The following CNPPD1 variants were observed in gnomAD, a reference collection of about 807,000 sequenced individuals.
CNPPD1 encodes protein CNPPD1.
In CNPPD1, 40 loss-of-function variants were observed where a neutral mutation model predicts 43.7. The ratio of observed to expected loss-of-function variants is 0.92; its 90% confidence interval spans 0.71 to 1.19. The LOEUF is 1.19. Ranked by LOEUF, CNPPD1 falls within the 50% of genes most tolerant of loss-of-function variation. CNPPD1 has a pLI of 0.00. For missense variants in CNPPD1, 511 were observed against 518.5 expected (o/e 0.99, Z 0.14); for synonymous variants, 208 against 214.3 (o/e 0.97, Z 0.26).
chr2:219,175,437 C>T (rs979325348), intron 3 of CNPPD1, among the ~76,000 whole-genome samples, 154 bp downstream of exon 3: 5 of 150,030 alleles, frequency 3.3e-5, no homozygotes, highest in African/African-American at 1.2e-4. Context: ...GCGGAGGTTG[C>T]GGTGAGCCGA....
intron 5 of CNPPD1, 75 bp downstream of exon 5, chr2:219,174,703 G>A (rs908398034): frequency 2.0e-6 from 3 of 1,507,998 alleles, no homozygotes; most frequent in Non-Finnish European, 2.7e-6. Flanking sequence ...ACAGAAGACT[G>A]AGAGAGAACA....
chr2:219,177,024 T>C (rs1276680303), upstream of CNPPD1: 2 of 502,080 alleles, frequency 4.0e-6, no homozygotes, highest in Non-Finnish European at 7.0e-6. Context: ...CGCCTCTTCC[T>C]GTTCCGCCCC....
chr2:219,177,073 G>A (rs1950184754), upstream of CNPPD1: 3 of 433,240 alleles, frequency 6.9e-6, no homozygotes, highest in African/African-American at 6.2e-5. Flanking sequence ...GGCCCGGGAA[G>A]GGAGGTGTCA....
intron 1 of CNPPD1, 84 bp downstream of exon 1, chr2:219,176,676 A>G: frequency 9.2e-7 from 1 of 1,082,624 alleles, no homozygotes; most frequent in Non-Finnish European, 1.4e-6. Context: ...CAGTCCCGGC[A>G]CAGCAGTCAG....
rs566112964 is a variant in CNPPD1, at chr2:219,174,686, C to T, written c.510+92G>A. The T allele has an allele frequency of 2.8e-5, 42 of 1,486,300 alleles. No individual in the cohort carries two copies. The African/African-American group carries it at 3.2e-4, about 11-fold the overall frequency. The allele number at this position is 1,486,300 out of a possible 1,614,324, so 92.1% of individuals were successfully genotyped here. A position where few individuals can be genotyped will look rare whatever the true frequency, so the allele number is the denominator to read the frequency against. On this transcript the variant is annotated intron_variant, in intron 5 of 7. Transcript: ENST00000360507. ...AGGAGGAGGACAGGAAGAGAAATGACGAACCAACAGAAGACTGAGAGAGAA... is the reference window on the plus strand; with the variant it reads ...AGGAGGAGGACAGGAAGAGAAATGATGAACCAACAGAAGACTGAGAGAGAA...
At chr2:219,173,856 G>A (rs1401567272) in intron 6 of CNPPD1, among the ~76,000 whole-genome samples, 1 of 152,020 alleles carries the variant, frequency 6.6e-6, no homozygotes, top group Non-Finnish European at 1.5e-5. Context: ...TGCCCAGGCT[G>A]GTCTCGAACT....
intron 5 of CNPPD1, 66 bp from the exon 6 acceptor site, chr2:219,174,273 C>A (rs1950123095): frequency 6.6e-7 from 1 of 1,514,590 alleles, no homozygotes. Flanking sequence ...ATAATAAGAG[C>A]CATAGCAGCA....
At chr2:219,175,388 T>A (rs1459914097) in intron 3 of CNPPD1, among the ~76,000 whole-genome samples, 1 of 150,654 alleles carries the variant, frequency 6.6e-6, no homozygotes, top group African/African-American at 2.5e-5. Context: ...TCCCAGCTAC[T>A]GGGGAGGCTG....
Position 219,173,143 on chromosome 2 carries a change from A to T in CNPPD1, c.691-15T>A. The T allele has an allele frequency of 2.6e-6, 4 of 1,550,340 alleles. No individual in the cohort carries two copies. The highest frequency in any genetic ancestry group is 2.6e-6 in the Non-Finnish European group (3 of 1,152,914). ...AGGCAAGACAGCTGCAGGAGAGGAG[A>T]TAAGAAAGAAGGAATCTGTCTTTAA... On this transcript the variant is annotated splice_polypyrimidine_tract_variant and intron_variant, in intron 7 of 7. Transcript: ENST00000360507.
chr2:219,174,689 A>G (rs1950129752), intron 5 of CNPPD1, 89 bp downstream of exon 5: 1 of 1,494,570 alleles, frequency 6.7e-7, no homozygotes, highest in African/African-American at 1.4e-5. Context: ...GAAATGACGA[A>G]CCAACAGAAG....
chr2:219,173,579 A>G, intron 6 of CNPPD1, 112 bp from the exon 7 acceptor site: 1 of 774,460 alleles, frequency 1.3e-6, no homozygotes, highest in South Asian at 1.8e-5. Flanking sequence ...TGTTAAACCC[A>G]GATTCCTAGG....
At chr2:219,174,668 G>C in intron 5 of CNPPD1, 110 bp downstream of exon 5, 2 of 1,424,928 alleles carry the variant, frequency 1.4e-6, no homozygotes, top group Non-Finnish European at 9.4e-7. Context: ...GGCAGGAGGA[G>C]GACAGGAAGA....
At chr2:219,177,014 C>T (rs1182216382), upstream of CNPPD1, 1 of 542,536 alleles carries the variant, frequency 1.8e-6, no homozygotes, top group Admixed American at 4.0e-5. Context: ...CTGAACTGGG[C>T]GCCTCTTCCT....
Position 219,172,423 on chromosome 2 carries a change from A to T in CNPPD1, c.*163T>A. 1 of 751,778 alleles carries T rather than the reference A, an allele frequency of 1.3e-6. No homozygotes were observed. Among genetic ancestry groups the T allele is most frequent in the Non-Finnish European group, 2.2e-6 (1 of 445,926 alleles). The allele number at this position is 751,778 out of a possible 1,614,324, so 46.6% of individuals were successfully genotyped here. ...AGCCAGCCACTGCGATCTAGGAGTG[A>T]ATTACCTTCAGTCCTTCTGCCCCAC... On this transcript the variant is annotated 3_prime_UTR_variant, in exon 8 of 8. Coordinates refer to ENST00000360507, the MANE Select transcript of CNPPD1 (RefSeq NM_015680.6).
At position 219,175,731 on chromosome 2, in the gene CNPPD1, G is replaced by C. The variant is rs530319593; in HGVS notation, c.179-59C>G. 2.9e-6 allele frequency: 4 copies of C among 1,401,740 alleles called. No homozygotes were observed. The East Asian group carries it at 9.2e-5, about 32-fold the overall frequency. 86.8% of individuals were successfully genotyped at this position (1,401,740 alleles called of 1,614,324 possible). A position where few individuals can be genotyped will look rare whatever the true frequency, so the allele number is the denominator to read the frequency against. ...ACAAGCACCCACACCCAACACACCA[G>C]TCCCCACTGCTAGCAGAAGACCCAG... On this transcript the variant is annotated intron_variant, in intron 2 of 7. Coordinates refer to ENST00000360507, the MANE Select transcript of CNPPD1 (RefSeq NM_015680.6).
At chr2:219,176,978 C>G (rs1050296259), upstream of CNPPD1, 4 of 631,328 alleles carry the variant, frequency 6.3e-6, no homozygotes, top group Non-Finnish European at 1.1e-5. Flanking sequence ...GCTCCCTCCC[C>G]CCGGCGGCGG....
At chr2:219,176,578 C>G (rs558670648) in intron 1 of CNPPD1, among the ~76,000 whole-genome samples, 182 bp downstream of exon 1, 64 of 152,346 alleles carry the variant, frequency 4.2e-4, no homozygotes, top group African/African-American at 1.5e-3. Flanking sequence ...GTGTGGCCAC[C>G]CCTACGCCCA....
At chr2:219,173,589 G>A in intron 6 of CNPPD1, 122 bp from the exon 7 acceptor site, 2 of 660,332 alleles carry the variant, frequency 3.0e-6, no homozygotes, top group Non-Finnish European at 5.2e-6. Context: ...AGATTCCTAG[G>A]CTATCTGCTG....
At chr2:219,174,366 C>T (rs1036488448) in intron 5 of CNPPD1, among the ~76,000 whole-genome samples, 159 bp from the exon 6 acceptor site, 1 of 152,182 alleles carries the variant, frequency 6.6e-6, no homozygotes, top group African/African-American at 2.4e-5. Context: ...CACATTAACT[C>T]ATTGAATCAC....
Sources: gnomAD v4.1 joint callset for allele counts (sites outside exome capture counted in the v4.1 genomes callset) on GRCh38, gnomAD v4.1.1 for gene constraint, MANE v1.5 for transcripts, NCBI Gene and HGNC (gene_info 2026-07-23, HGNC 2026-07-21) for gene names.